The following MFN2 variants were observed in gnomAD, a reference collection of about 807,000 sequenced individuals.
MFN2 encodes the protein mitofusin-2.
In MFN2, 43 loss-of-function variants were observed where a neutral mutation model predicts 87.5. The observed-to-expected ratio is 0.49, with a 90% CI of 0.38 to 0.63. The LOEUF is 0.63. Among genes scored for constraint, MFN2 ranks in the 30% least tolerant of loss-of-function variants. The pLI is 0.00. For missense variants in MFN2, 743 were observed against 972.8 expected (o/e 0.76, Z 3.14); for synonymous variants, 337 against 359.9 (o/e 0.94, Z 0.72).
intron 3 of MFN2, 124 bp from the exon 4 acceptor site, chr1:11,992,431 G>A (rs1296069059): frequency 4.2e-5 from 52 of 1,230,866 alleles, no homozygotes; most frequent in East Asian, 1.6e-4. Context: ...TCAGCCTGTC[G>A]GCTGCAGGGT....
intron 2 of MFN2, among the ~76,000 whole-genome samples, chr1:11,987,498 C>T (rs931938731): frequency 1.3e-5 from 2 of 151,620 alleles, no homozygotes; most frequent in African/African-American, 4.9e-5. Flanking sequence ...GGCATGGTGG[C>T]GAGTGCCTGT....
chr1:11,986,312 A>G (rs1378279098), intron 2 of MFN2, among the ~76,000 whole-genome samples: 2 of 152,166 alleles, frequency 1.3e-5, no homozygotes, highest in African/African-American at 2.4e-5. Flanking sequence ...CCTCATTTCC[A>G]ATCTAGAGAG....
chr1:12,006,290 G>T (rs953786470), intron 15 of MFN2, among the ~76,000 whole-genome samples: 1 of 152,172 alleles, frequency 6.6e-6, no homozygotes, highest in African/African-American at 2.4e-5. Flanking sequence ...ACTGCCCTCT[G>T]TACACATCCC....
At position 12,006,627 on chromosome 1, in the gene MFN2, C is replaced by T. The variant is rs201258935; in HGVS notation, c.1806C>T (p.Ser602=). ...TCACCCAGGAGGAGTTCATGGTTTC[C>T]ATGGTTACCGGCCTGGCCTCCTTGA... ...GSLTQEEFMV[S]MVTGLASLTS... The change falls in exon 16 of 19, where the codon TCC becomes TCT. Residue 602 remains serine, a synonymous_variant. Transcript: ENST00000235329. 1,066 of 1,614,206 alleles carry T rather than the reference C, an allele frequency of 6.6e-4. 18 individuals are homozygous for T. The South Asian group carries it at 0.011, about 17-fold the overall frequency.
Position 12,002,073 on chromosome 1 carries a change from A to G in MFN2, c.1130A>G (p.Asp377Gly). The G allele has an allele frequency of 6.2e-7, 1 of 1,614,038 alleles. No individual in the cohort carries two copies. Among genetic ancestry groups the G allele is most frequent in the African/African-American group, 1.3e-5 (1 of 74,988 alleles). Residue 377 changes from aspartate to glycine, a missense_variant, in exon 11 of 19, where the codon GAC (aspartate) becomes GGC (glycine). Physicochemically the swap from Asp to Gly is moderately conservative, Grantham distance 94. Transcript: ENST00000235329. Reference sequence around the variant, plus strand: ...GCAGAGGCGGTTCGACTCATCATGGACTCCCTGCACATGGCGGCTCGGGAG... The same window carrying G: ...GCAGAGGCGGTTCGACTCATCATGGGCTCCCTGCACATGGCGGCTCGGGAG... ...QIAEAVRLIM[D>G]SLHMAAREQQ...
chr1:12,011,679 A>C lies in MFN2; in HGVS notation c.*114A>C. ...CTGCCCCCTGGCCACTGCCAAGAGAATGAAGCACCCAGTCTCGTACCATTT... is the reference window on the plus strand; with the variant it reads ...CTGCCCCCTGGCCACTGCCAAGAGACTGAAGCACCCAGTCTCGTACCATTT... On this transcript the variant is annotated 3_prime_UTR_variant, in exon 19 of 19. Transcript: ENST00000235329. The C allele has an allele frequency of 9.2e-7, 1 of 1,087,562 alleles. No individual in the cohort carries two copies. Among genetic ancestry groups the C allele is most frequent in the Non-Finnish European group, 1.4e-6 (1 of 714,356 alleles). The allele number at this position is 1,087,562 out of a possible 1,614,324, so 67.4% of individuals were successfully genotyped here.
At chr1:12,008,532 C>T (rs79316643) in intron 17 of MFN2, among the ~76,000 whole-genome samples, 82,715 of 149,814 alleles carry the variant, frequency 0.55, 23,254 homozygotes, top group South Asian at 0.62. Flanking sequence ...CAGACGGGGG[C>T]GGCTGCCTGG....
chr1:12,001,337 A>G (rs1465051225), intron 8 of MFN2, 64 bp from the exon 9 acceptor site: 2 of 1,600,120 alleles, frequency 1.2e-6, no homozygotes, highest in East Asian at 2.2e-5. Context: ...CTTTTAATAA[A>G]AGAGGCAGGT....
chr1:11,999,158 G>A, intron 8 of MFN2, 63 bp downstream of exon 8: 1 of 1,350,096 alleles, frequency 7.4e-7, no homozygotes, highest in East Asian at 2.3e-5. Context: ...CTGCCACTGG[G>A]GCCACTTCCT....
At position 11,989,349 on chromosome 1, in the gene MFN2, G is replaced by A; in HGVS notation, c.175+6G>A. ...GAGCGCCACCTTCCTTGAAGGTAAG[G>A]GGGCACCGGCTCAGCCAGGCCCGCT... On this transcript the variant is annotated splice_donor_region_variant and intron_variant, in intron 3 of 18. Coordinates refer to ENST00000235329, the MANE Select transcript of MFN2 (RefSeq NM_014874.4). 6.2e-7 allele frequency: 1 copy of A among 1,613,594 alleles called. No homozygotes were observed. Among genetic ancestry groups the A allele is most frequent in the Non-Finnish European group, 8.5e-7 (1 of 1,179,900 alleles).
At chr1:11,987,241 G>C (rs1227955654) in intron 2 of MFN2, among the ~76,000 whole-genome samples, 1 of 151,798 alleles carries the variant, frequency 6.6e-6, no homozygotes, top group African/African-American at 2.4e-5. Context: ...GAACCTGGGA[G>C]GTGGAGGTTG....
intron 10 of MFN2, 37 bp downstream of exon 10, chr1:12,001,873 C>T (rs1639190095): frequency 1.2e-6 from 2 of 1,613,480 alleles, no homozygotes; most frequent in East Asian, 4.5e-5. Flanking sequence ...CGATTCTGTG[C>T]CTCCCCAGCT....
chr1:11,991,228 G>A (rs553807685), intron 3 of MFN2, among the ~76,000 whole-genome samples: 2 of 152,342 alleles, frequency 1.3e-5, no homozygotes, highest in African/African-American at 4.8e-5. Flanking sequence ...TGCACCTGCT[G>A]GGTGCTGGGG....
rs542188520 is a variant in MFN2, at chr1:12,009,742, G to A, written c.2204+16G>A. 5 of 1,614,128 alleles carry A rather than the reference G, an allele frequency of 3.1e-6. No homozygotes were observed. Among genetic ancestry groups the A allele is most frequent in the African/African-American group, 2.7e-5 (2 of 75,064 alleles). On this transcript the variant is annotated intron_variant, in intron 18 of 18. Transcript: ENST00000235329. ...AGCTGCTCAGGTGAGGCTGGCCCGT[G>A]TGGCCAAAGGTTAGGGCTCCAGGGT...
chr1:12,008,405 C>G (rs1286018093), intron 17 of MFN2, among the ~76,000 whole-genome samples: 1 of 124,084 alleles, frequency 8.1e-6, no homozygotes. Flanking sequence ...GACGGGGTGG[C>G]TGGCCGGGCG....
chr1:11,998,076 G>C (rs369271773), intron 6 of MFN2, among the ~76,000 whole-genome samples: 6 of 150,756 alleles, frequency 4.0e-5, no homozygotes, highest in Admixed American at 2.0e-4. Context: ...TAGAGACGGG[G>C]TTTCACCATG....
At chr1:11,998,301 A>G (rs529645524) in intron 6 of MFN2, among the ~76,000 whole-genome samples, 23 of 152,120 alleles carry the variant, frequency 1.5e-4, no homozygotes, top group African/African-American at 5.5e-4. Context: ...TAATCCTAGC[A>G]CTTTGGGAAG....
intron 2 of MFN2, among the ~76,000 whole-genome samples, chr1:11,984,188 C>T (rs1002398339): frequency 1.6e-4 from 24 of 152,204 alleles, no homozygotes; most frequent in Admixed American, 1.6e-3. Flanking sequence ...CTTAAAAGCA[C>T]CTGCTTCTGA....
intron 2 of MFN2, among the ~76,000 whole-genome samples, chr1:11,987,311 CAA>C (rs78088488): frequency 1.2e-3 from 163 of 134,282 alleles, no homozygotes; most frequent in East Asian, 2.6e-3. Flanking sequence ...GACTCTGTCT[CAA>C]AAAAAAAAAA....
Sources: gnomAD v4.1 joint callset for allele counts (sites outside exome capture counted in the v4.1 genomes callset) on GRCh38, gnomAD v4.1.1 for gene constraint, MANE v1.5 for transcripts, NCBI Gene and HGNC (gene_info 2026-07-23, HGNC 2026-07-21) for gene names.